The following CUL5 variants were observed in gnomAD, a reference collection of about 807,000 sequenced individuals.
The protein encoded by CUL5 is cullin-5.
Under a neutral mutation model 108.8 loss-of-function variants are expected in CUL5, and 26 were observed. The ratio of observed to expected loss-of-function variants is 0.24; its 90% CI spans 0.18 to 0.33. The LOEUF (loss-of-function observed/expected upper bound fraction) is 0.33, where lower values mean the gene tolerates loss of function less well. CUL5 is among the 10% of genes least tolerant of loss of function. The pLI, the probability that CUL5 is intolerant of heterozygous loss-of-function variation, is 1.00. For synonymous variants in CUL5, 334 were observed against 298.0 expected (o/e 1.12, Z -1.25); for missense variants, 524 against 909.2 (o/e 0.58, Z 5.45).
At chr11:108,041,020 A>G (rs1243824105) in intron 2 of CUL5, among the ~76,000 whole-genome samples, 1 of 152,186 alleles carries the variant, frequency 6.6e-6, no homozygotes, top group Non-Finnish European at 1.5e-5. Context: ...AAGTGATTTG[A>G]GTACGGCAGG....
At chr11:108,036,697 C>CG in intron 2 of CUL5, among the ~76,000 whole-genome samples, 1 of 152,294 alleles carries the variant, frequency 6.6e-6, no homozygotes, top group Middle Eastern at 3.4e-3. Context: ...GGGATGGTCT[C>CG]GAACTCTTGA....
rs151240707 is a variant in CUL5 at position 108,093,822 on chromosome 11, G to A, written c.1444-569G>A. Among the ~76,000 whole-genome samples the A allele has an allele frequency of 6.6e-5, 10 of 152,260 alleles. No homozygotes were observed. In the East Asian group the frequency reaches 1.2e-3, roughly 18 times the overall value. ...AGCAATCCACCCACCTCAGCCTTCC[G>A]AGTAGCTGGGACTATCTCGGCAGTA... On this transcript the variant is annotated intron_variant, in intron 13 of 18. Coordinates refer to ENST00000393094, the MANE Select transcript of CUL5 (RefSeq NM_003478.6).
intron 4 of CUL5, among the ~76,000 whole-genome samples, chr11:108,052,163 G>GTC (rs1169791390): frequency 6.6e-6 from 1 of 151,986 alleles, no homozygotes; most frequent in Non-Finnish European, 1.5e-5. Flanking sequence ...GTTGAGATGG[G>GTC]TCTTACTGTG....
chr11:108,061,665 T>G (rs3858396), intron 7 of CUL5, among the ~76,000 whole-genome samples: 56,188 of 151,890 alleles, frequency 0.37, 11,608 homozygotes, highest in Middle Eastern at 0.55. Context: ...CTCCCTTCCC[T>G]CCTGCATTCC....
At chr11:108,019,391 A>T (rs1423496252) in intron 1 of CUL5, among the ~76,000 whole-genome samples, 2 of 152,192 alleles carry the variant, frequency 1.3e-5, no homozygotes, top group Non-Finnish European at 2.9e-5. Flanking sequence ...CTCATAATTC[A>T]CATGAATTAT....
intron 7 of CUL5, among the ~76,000 whole-genome samples, chr11:108,064,987 T>C (rs138005443): frequency 2.1e-3 from 322 of 151,978 alleles, no homozygotes; most frequent in African/African-American, 7.2e-3. Context: ...GGCTTTTCTT[T>C]GTTGGGAGAA....
At chr11:108,090,695 CT>C (rs1365195316) in intron 13 of CUL5, among the ~76,000 whole-genome samples, 1 of 151,800 alleles carries the variant, frequency 6.6e-6, no homozygotes, top group African/African-American at 2.4e-5. Flanking sequence ...ATTTTGAGTT[CT>C]TTTTTTGTTT....
chr11:108,061,375 A>G (rs1863528792), intron 7 of CUL5, among the ~76,000 whole-genome samples: 2 of 152,168 alleles, frequency 1.3e-5, no homozygotes, highest in South Asian at 4.1e-4. Context: ...CTATCTAGCA[A>G]TCTCCCTACT....
intron 18 of CUL5, among the ~76,000 whole-genome samples, chr11:108,101,396 G>A (rs1327764977): frequency 6.6e-6 from 1 of 152,212 alleles, no homozygotes; most frequent in Non-Finnish European, 1.5e-5. Flanking sequence ...TGCTGCTGTT[G>A]TCTACAGCAG....
intron 8 of CUL5, among the ~76,000 whole-genome samples, chr11:108,071,440 T>A (rs1178565513): frequency 6.6e-6 from 1 of 152,134 alleles, no homozygotes; most frequent in Non-Finnish European, 1.5e-5. Context: ...TTTTTGTATT[T>A]TTTGTAGAGG....
chr11:108,052,173 G>A (rs572398479), intron 4 of CUL5, among the ~76,000 whole-genome samples: 1 of 152,004 alleles, frequency 6.6e-6, no homozygotes, highest in African/African-American at 2.4e-5. Context: ...GTCTTACTGT[G>A]TTGCCGAGGC....
rs770173167 is a variant in CUL5, at chr11:108,095,586, C to T, written c.1800C>T (p.Leu600=). 1.4e-5 allele frequency: 23 copies of T among 1,613,498 alleles called. No individual in the cohort carries two copies. Among genetic ancestry groups the T allele is most frequent in the Admixed American group, 3.3e-5 (2 of 59,968 alleles). Residue 600 remains leucine (L), a synonymous_variant, in exon 16 of 19, where the codon CTC becomes CTT. Transcript: ENST00000393094. ...ATTTGGAGGTAACCACGTTTCAGCTCGCTGTATTGTTTGCATGGAACCAAA... is the reference window on the plus strand; with the variant it reads ...ATTTGGAGGTAACCACGTTTCAGCTTGCTGTATTGTTTGCATGGAACCAAA... The part of the protein sequence containing the change: ...QYDLEVTTFQ[L]AVLFAWNQRP...
At chr11:108,083,891 C>G (rs745481288) in intron 11 of CUL5, among the ~76,000 whole-genome samples, 1 of 152,192 alleles carries the variant, frequency 6.6e-6, no homozygotes, top group Non-Finnish European at 1.5e-5. Context: ...ACAAGCTTGT[C>G]CAACCCTGCG....
intron 11 of CUL5, among the ~76,000 whole-genome samples, chr11:108,083,025 A>T (rs917490585): frequency 1.3e-5 from 2 of 152,208 alleles, no homozygotes; most frequent in Admixed American, 6.5e-5. Flanking sequence ...GCTTTTCTGT[A>T]TATAAGATCA....
intron 7 of CUL5, among the ~76,000 whole-genome samples, chr11:108,069,560 T>A (rs1377150587): frequency 2.0e-5 from 3 of 152,118 alleles, no homozygotes; most frequent in Non-Finnish European, 4.4e-5. Context: ...ATTTTGTGTG[T>A]GTTTGTGTAT....
At chr11:108,010,317 C>T (rs569027087) in intron 1 of CUL5, among the ~76,000 whole-genome samples, 6 of 152,342 alleles carry the variant, frequency 3.9e-5, no homozygotes, top group Admixed American at 3.3e-4. Flanking sequence ...TGAGGCCTCT[C>T]ATGCCTTCAG....
intron 1 of CUL5, among the ~76,000 whole-genome samples, chr11:108,010,130 G>A (rs140915011): frequency 6.4e-4 from 97 of 152,388 alleles, no homozygotes; most frequent in Admixed American, 1.8e-3. Flanking sequence ...GTTTGGAGAA[G>A]AATGAGGAAG....
chr11:108,103,796 ATCTC>A (rs1435422511), intron 18 of CUL5, among the ~76,000 whole-genome samples: 1 of 152,170 alleles, frequency 6.6e-6, no homozygotes, highest in Non-Finnish European at 1.5e-5. Context: ...ATTTTTCAAA[ATCTC>A]TATAGTCAGA....
At chr11:108,049,446 A>T (rs937381380) in intron 3 of CUL5, among the ~76,000 whole-genome samples, 2 of 151,350 alleles carry the variant, frequency 1.3e-5, no homozygotes, top group African/African-American at 4.9e-5. Context: ...GGCTCAAGCA[A>T]TCCTCCCACC....
Sources: gnomAD v4.1 joint callset for allele counts (sites outside exome capture counted in the v4.1 genomes callset) on GRCh38, gnomAD v4.1.1 for gene constraint, MANE v1.5 for transcripts, NCBI Gene and HGNC (gene_info 2026-07-23, HGNC 2026-07-21) for gene names.